The following MRPL39 variants were observed in gnomAD, a reference collection of about 807,000 sequenced individuals.
MRPL39 encodes the protein large ribosomal subunit protein mL39.
A neutral mutation model predicts 44.5 loss-of-function variants in MRPL39; 35 were observed. That is an observed-to-expected ratio of 0.79 (90% CI 0.60 to 1.04). The LOEUF (loss-of-function observed/expected upper bound fraction) is 1.04, where lower values mean the gene tolerates loss of function less well. Among genes scored for constraint, MRPL39 ranks in the 50% least tolerant of loss-of-function variants. MRPL39 has a pLI of 0.00. For missense variants in MRPL39, 433 were observed against 413.5 expected (o/e 1.05, Z -0.41); for synonymous variants, 139 against 136.1 (o/e 1.02, Z -0.15).
chr21:25,590,599 G>C (rs1187355630), intron 8 of MRPL39, among the ~76,000 whole-genome samples: 3 of 152,036 alleles, frequency 2.0e-5, no homozygotes, highest in Non-Finnish European at 2.9e-5. Context: ...GGAGAGGTGT[G>C]CTAAATTTTA....
chr21:25,589,359 G>A (rs2031101527), intron 8 of MRPL39, among the ~76,000 whole-genome samples: 1 of 151,804 alleles, frequency 6.6e-6, no homozygotes, highest in Middle Eastern at 3.2e-3. Flanking sequence ...TGAAATGGCA[G>A]AAGCAGAGGA....
chr21:25,597,350 G>T lies in MRPL39; in HGVS notation c.653C>A (p.Thr218Asn). The change falls in exon 6 of 10, where the codon ACT becomes AAT. Residue 218 changes from threonine to asparagine, a missense_variant. Physicochemically the swap from Thr to Asn is moderately conservative, Grantham distance 65 (BLOSUM62 0). Coordinates refer to ENST00000352957, the MANE Select transcript of MRPL39 (RefSeq NM_017446.4). Reference protein sequence around the residue: ...ALIYKDLPFETLEVEAKVALE... With the variant: ...ALIYKDLPFENLEVEAKVALE... ...TGCCACTTTTGCTTCAACTTCCAGAGTTTCAAATGGAAGATCTTTATAAAT... is the reference window on the plus strand; with the variant it reads ...TGCCACTTTTGCTTCAACTTCCAGATTTTCAAATGGAAGATCTTTATAAAT... 1 of 1,603,652 alleles carries T rather than the reference G, an allele frequency of 6.2e-7. No homozygotes were observed. The highest frequency in any genetic ancestry group is 8.5e-7 in the Non-Finnish European group (1 of 1,173,780).
Position 25,602,580 on chromosome 21 carries a change from A to G in MRPL39, c.421-1113T>C, listed in dbSNP as rs2031553258. On this transcript the variant is annotated intron_variant, in intron 3 of 9. Transcript: ENST00000352957. ...TGTATGTATATCAAGAACTAGGTCC[A>G]ATAAGGGAAATGGTCCCTATCTTCA... Among the ~76,000 whole-genome samples, 3 of 152,376 alleles carry G rather than the reference A, an allele frequency of 2.0e-5. 1 individual carries two copies. The South Asian group carries it at 6.2e-4, about 32-fold the overall frequency.
intron 2 of MRPL39, among the ~76,000 whole-genome samples, chr21:25,606,185 GC>G (rs1464750202): frequency 6.6e-6 from 1 of 152,170 alleles, no homozygotes; most frequent in Non-Finnish European, 1.5e-5. Flanking sequence ...TGGCTATGGT[GC>G]CCAGGCTGGT....
chr21:25,606,796 T>C, intron 1 of MRPL39, 141 bp from the exon 2 acceptor site: 1 of 645,328 alleles, frequency 1.5e-6, no homozygotes, highest in Non-Finnish European at 2.6e-6. Context: ...GATACGTGCC[T>C]CTACTTTTAA....
chr21:25,593,086 T>C, intron 7 of MRPL39, 121 bp from the exon 8 acceptor site: 1 of 818,654 alleles, frequency 1.2e-6, no homozygotes, highest in South Asian at 2.4e-5. Flanking sequence ...TTATATATGG[T>C]TCAATTCAGT....
At position 25,585,818 on chromosome 21, in the gene MRPL39, AT is replaced by A. The variant is rs1252633372; in HGVS notation, c.970-65del. On this transcript the variant is annotated intron_variant, in intron 9 of 9. Transcript: ENST00000352957. ...CTTTCAGTTTTACCCTTCACCCACC[AT>A]TTTAAATCATTCCACAGCCCTCTTA... 4.5e-6 allele frequency: 5 copies of A among 1,113,920 alleles called. No individual in the cohort carries two copies. In the East Asian group the frequency reaches 7.3e-5, roughly 16 times the overall value. The allele number at this position is 1,113,920 out of a possible 1,614,324, so 69.0% of individuals were successfully genotyped here.
chr21:25,595,025 C>T (rs1015059254), intron 6 of MRPL39, among the ~76,000 whole-genome samples: 2 of 152,186 alleles, frequency 1.3e-5, no homozygotes, highest in African/African-American at 4.8e-5. Flanking sequence ...CAGTATCTCT[C>T]AAATCTACCC....
chr21:25,594,079 C>A, intron 6 of MRPL39, 121 bp from the exon 7 acceptor site: 3 of 788,436 alleles, frequency 3.8e-6, no homozygotes, highest in Admixed American at 2.4e-5. Flanking sequence ...ACACTTGGAA[C>A]CTCCCTTTAA....
chr21:25,597,798 T>C (rs1197979255), intron 5 of MRPL39, among the ~76,000 whole-genome samples: 2 of 152,188 alleles, frequency 1.3e-5, no homozygotes, highest in Admixed American at 1.3e-4. Context: ...ACAGTATGAA[T>C]AAATCTAAGT....
intron 1 of MRPL39, 54 bp downstream of exon 1, chr21:25,607,349 A>G: frequency 1.2e-6 from 2 of 1,602,118 alleles, no homozygotes; most frequent in Non-Finnish European, 1.7e-6. Flanking sequence ...CCCAATCTAG[A>G]CAGACACCAC....
At chr21:25,599,182 C>T (rs1601378932) in intron 5 of MRPL39, among the ~76,000 whole-genome samples, 1 of 152,288 alleles carries the variant, frequency 6.6e-6, no homozygotes, top group East Asian at 1.9e-4. Context: ...TACCCAAGTC[C>T]CAGACCAACA....
At chr21:25,603,310 G>A (rs1322971963) in intron 3 of MRPL39, among the ~76,000 whole-genome samples, 1 of 152,142 alleles carries the variant, frequency 6.6e-6, no homozygotes, top group Non-Finnish European at 1.5e-5. Context: ...AAAGCTATGT[G>A]AATGTTAACA....
rs2031673241 is a variant in MRPL39 at position 25,606,480 on chromosome 21, T to C, written c.249A>G (p.Lys83=). 1 of 1,611,972 alleles carries C rather than the reference T, an allele frequency of 6.2e-7. No homozygotes were observed. Among genetic ancestry groups the C allele is most frequent in the Non-Finnish European group, 8.5e-7 (1 of 1,179,148 alleles). ...TDPGTVFVMN[K]NISTPYSCAM... is the part of the protein sequence containing the mutation. The stretch of plus-strand genomic sequence containing the variant: ...CACAACTGTAGGGAGTTGAAATGTT[T>C]TTATTCATCACGAAGACAGTACCGG... The change falls in exon 2 of 10, where the codon AAA becomes AAG. Residue 83 remains lysine, a synonymous_variant. Transcript: ENST00000352957.
chr21:25,597,363 G>C lies in MRPL39; in HGVS notation c.640C>G (p.Leu214Val). 1 of 1,603,618 alleles carries C rather than the reference G, an allele frequency of 6.2e-7. No individual in the cohort carries two copies. Among genetic ancestry groups the C allele is most frequent in the Non-Finnish European group, 8.5e-7 (1 of 1,173,562 alleles). Residue 214 changes from leucine to valine, a missense_variant, in exon 6 of 10, where the codon CTT (leucine) becomes GTT (valine). Physicochemically the swap from Leu to Val is conservative, Grantham distance 32 (BLOSUM62 1). Coordinates refer to ENST00000352957, the MANE Select transcript of MRPL39 (RefSeq NM_017446.4). ...TCAACTTCCAGAGTTTCAAATGGAA[G>C]ATCTTTATAAATTAAAGCATGAGCA... is the stretch of plus-strand genomic sequence containing the variant. Reference protein sequence around the residue: ...KDAHALIYKDLPFETLEVEAK... With the variant: ...KDAHALIYKDVPFETLEVEAK...
chr21:25,607,599 A>C (rs1385202091), upstream of MRPL39: 3 of 943,958 alleles, frequency 3.2e-6, no homozygotes, highest in African/African-American at 3.3e-5. Context: ...GCTCGCCTCC[A>C]CCGGGGGGCG....
intron 8 of MRPL39, among the ~76,000 whole-genome samples, chr21:25,590,600 C>T (rs547801457): frequency 9.2e-5 from 14 of 151,870 alleles, no homozygotes; most frequent in South Asian, 4.2e-4. Flanking sequence ...GAGAGGTGTG[C>T]TAAATTTTAC....
At position 25,599,996 on chromosome 21, in the gene MRPL39, G is replaced by A. The variant is rs115183921; in HGVS notation, c.521-130C>T. 122 of 675,528 alleles carry A rather than the reference G, an allele frequency of 1.8e-4. No homozygotes were observed. The African/African-American group carries it at 2.1e-3, about 12-fold the overall frequency. The allele number at this position is 675,528 out of a possible 1,614,324, so 41.8% of individuals were successfully genotyped here. A position where few individuals can be genotyped will look rare whatever the true frequency, so the allele number is the denominator to read the frequency against. ...CTCCCAACTCTACAAATTATAAAAT[G>A]GTTGCCATTCTTCCAGCTGCTTGCC... On this transcript the variant is annotated intron_variant, in intron 4 of 9. Transcript: ENST00000352957.
intron 6 of MRPL39, among the ~76,000 whole-genome samples, chr21:25,595,774 A>G (rs897622204): frequency 8.5e-5 from 13 of 152,234 alleles, no homozygotes; most frequent in African/African-American, 3.1e-4. Flanking sequence ...CTTTTTTTCA[A>G]TGCAACTACA....
Sources: gnomAD v4.1 joint callset for allele counts (sites outside exome capture counted in the v4.1 genomes callset) on GRCh38, gnomAD v4.1.1 for gene constraint, MANE v1.5 for transcripts, NCBI Gene and HGNC (gene_info 2026-07-23, HGNC 2026-07-21) for gene names.